Variants in PRH1 observed in about 807,000 individuals in gnomAD.
PRH1 encodes the protein salivary acidic proline-rich phosphoprotein 1/2.
In PRH1, 7 loss-of-function variants were observed where a neutral mutation model predicts 7.9. That is an observed-to-expected ratio of 0.89 (90% confidence interval 0.50 to 1.67). The LOEUF is 1.67. PRH1 is among the 40% of genes most tolerant of loss of function. PRH1 has a pLI of 0.00. For synonymous variants in PRH1, 45 were observed against 80.8 expected (o/e 0.56, Z 2.38); for missense variants, 109 against 223.6 (o/e 0.49, Z 3.27).
rs764452998 is a variant in PRH1 at position 11,030,959 on chromosome 12, T to G, written c.-126+16061A>C. ...CAACAGCATCACCAGAATGACACTC[T>G]TAACTCTCCTCTTTAAGTGAAGAAA... On this transcript the variant is annotated intron_variant, in intron 1 of 3. Coordinates refer to the PRH1 transcript ENST00000539853. 4 of 1,614,294 alleles carry G rather than the reference T, an allele frequency of 2.5e-6. No homozygotes were observed. The Admixed American group carries it at 5.0e-5, about 20-fold the overall frequency.
chr12:11,078,061 A>T, intron 1 of PRH1: 2 of 591,838 alleles, frequency 3.4e-6, no homozygotes, highest in Non-Finnish European at 6.1e-6. Flanking sequence ...TAATAATATG[A>T]CCCAGAGTAA....
rs1485358088 is a variant in PRH1 at position 11,088,721 on chromosome 12, C to A, written n.124-41533G>T. On this transcript the variant is annotated intron_variant and non_coding_transcript_variant, in intron 1 of 4. Coordinates refer to the PRH1 transcript ENST00000541977. Reference sequence around the variant, plus strand: ...TACTGGTCTCAAGCAGAATCCAGAACAAAAGTGGGCTCTACAGAAGATATG... The same window carrying A: ...TACTGGTCTCAAGCAGAATCCAGAAAAAAAGTGGGCTCTACAGAAGATATG... 2.6e-5 allele frequency among the ~76,000 whole-genome samples: 3 copies of A among 114,044 alleles called. 1 individual carries two copies. Among genetic ancestry groups the A allele is most frequent in the Non-Finnish European group, 6.2e-5 (3 of 48,550 alleles). The allele number at this position is 114,044 out of a possible 152,430, so 74.8% of individuals were successfully genotyped here.
At chr12:10,941,405 G>A (rs1950397953) in intron 2 of PRH1, among the ~76,000 whole-genome samples, 1 of 152,140 alleles carries the variant, frequency 6.6e-6, no homozygotes, top group Non-Finnish European at 1.5e-5. Flanking sequence ...CAGTTCCTCA[G>A]AGAAGAGCAG....
In PRH1 at chr12:11,093,969, A is replaced by T. The variant is rs1242003264; in HGVS notation, n.124-46781T>A. ...TCCAGACTAAATTGGCAAAACTCTA[A>T]CGTCCTCCAAGATGCAGAATTTGGC... On this transcript the variant is annotated intron_variant and non_coding_transcript_variant, in intron 1 of 4. Coordinates refer to the PRH1 transcript ENST00000541977. Among the ~76,000 whole-genome samples the T allele has an allele frequency of 1.8e-5, 2 of 114,162 alleles. 1 individual carries two copies. Among genetic ancestry groups the T allele is most frequent in the Non-Finnish European group, 4.1e-5 (2 of 48,574 alleles). The allele number at this position is 114,162 out of a possible 152,430, so 74.9% of individuals were successfully genotyped here. A position where few individuals can be genotyped will look rare whatever the true frequency, so the allele number is the denominator to read the frequency against.
chr12:10,958,147 A>T (rs1259408656), intron 2 of PRH1, among the ~76,000 whole-genome samples: 2 of 152,226 alleles, frequency 1.3e-5, no homozygotes, highest in Admixed American at 6.5e-5. Flanking sequence ...AATAGCAAAG[A>T]CATGGAATAA....
At position 11,017,693 on chromosome 12, in the gene PRH1, A is replaced by C. The variant is rs565834969; in HGVS notation, c.-126+29327T>G. On this transcript the variant is annotated intron_variant, in intron 1 of 3. Coordinates refer to the PRH1 transcript ENST00000539853. ...TTTTAAGTAGAGATGGGGTTTCACC[A>C]TGTTGCTCAGGCTAGTCTCAAACTC... Among the ~76,000 whole-genome samples the C allele has an allele frequency of 1.5e-4, 23 of 152,030 alleles. No individual in the cohort carries two copies. In the South Asian group the frequency reaches 4.6e-3, roughly 30 times the overall value.
chr12:10,968,350 C>T (rs7138343), intron 2 of PRH1, among the ~76,000 whole-genome samples: 1 of 150,274 alleles, frequency 6.7e-6, no homozygotes, highest in Non-Finnish European at 1.5e-5. Flanking sequence ...TAATGATATT[C>T]TTTATTTAAA....
Position 11,090,651 on chromosome 12 carries a change from T to A in PRH1, n.124-43463A>T, listed in dbSNP as rs1013515174. On this transcript the variant is annotated intron_variant and non_coding_transcript_variant, in intron 1 of 4. Coordinates refer to the PRH1 transcript ENST00000541977. ...CGCTTATGGTAGACATACATTAAAT[T>A]TACTCTGCATATGCTTCTCACTCAA... Among the ~76,000 whole-genome samples the A allele has an allele frequency of 3.4e-5, 4 of 117,690 alleles. 2 individuals carry two copies. The highest frequency in any genetic ancestry group is 4.0e-5 in the Non-Finnish European group (2 of 49,544). 77.2% of individuals were successfully genotyped at this position (117,690 alleles called of 152,430 possible).
chr12:11,043,272 A>C lies in PRH1; in HGVS notation c.-126+3748T>G, dbSNP rs917236350. Among the ~76,000 whole-genome samples, 6 of 152,210 alleles carry C rather than the reference A, an allele frequency of 3.9e-5. No homozygotes were observed. The South Asian group carries it at 1.2e-3, about 31-fold the overall frequency. Reference sequence around the variant, plus strand: ...TCCTTCATGATAAAAACCCTCAGAAATCTGAATATAGAAGGAAAATCTAAA... The same window carrying C: ...TCCTTCATGATAAAAACCCTCAGAACTCTGAATATAGAAGGAAAATCTAAA... On this transcript the variant is annotated intron_variant, in intron 1 of 3. Coordinates refer to the PRH1 transcript ENST00000539853.
At chr12:11,061,296 G>T (rs369943612) in intron 1 of PRH1, 1 of 1,532,094 alleles carries the variant, frequency 6.5e-7, no homozygotes, top group Admixed American at 2.2e-5. Context: ...AACACAGTAA[G>T]AAATATAAAA....
intron 1 of PRH1, among the ~76,000 whole-genome samples, chr12:11,045,379 C>T (rs1468881384): frequency 6.6e-6 from 1 of 150,380 alleles, no homozygotes; most frequent in Non-Finnish European, 1.5e-5. Context: ...AGCAGGGTGA[C>T]TATAATCAAT....
At chr12:11,061,997 T>C in intron 1 of PRH1, 1 of 1,613,898 alleles carries the variant, frequency 6.2e-7, no homozygotes. Flanking sequence ...CTGAGGCTAG[T>C]AGCAAGCCAG....
intron 2 of PRH1, among the ~76,000 whole-genome samples, chr12:10,942,110 T>C (rs924948358): frequency 3.9e-5 from 6 of 152,162 alleles, no homozygotes; most frequent in African/African-American, 9.7e-5. Flanking sequence ...CCAGCACCTG[T>C]TCTGGTGGAG....
chr12:10,986,506 G>C, intron 1 of PRH1: 1 of 1,613,946 alleles, frequency 6.2e-7, no homozygotes, highest in Non-Finnish European at 8.5e-7. Flanking sequence ...TTTAAATGAA[G>C]AAAAAGAAGG....
At position 11,169,570 on chromosome 12, in the gene PRH1, A is replaced by T. The variant is rs150748475; in HGVS notation, n.39+1852T>A. ...AGTAGGGCGTAAAGGGTGGCACAAAAGAGGAATAGAAGACAGAATGAGTCC... is the reference window on the plus strand; with the variant it reads ...AGTAGGGCGTAAAGGGTGGCACAAATGAGGAATAGAAGACAGAATGAGTCC... On this transcript the variant is annotated intron_variant and non_coding_transcript_variant, in intron 1 of 1. Coordinates refer to the PRH1 transcript ENST00000541175. 2.0e-5 allele frequency among the ~76,000 whole-genome samples: 3 copies of T among 152,336 alleles called. No homozygotes were observed. The East Asian group carries it at 5.8e-4, about 29-fold the overall frequency.
chr12:11,127,309 C>T (rs536975445), intron 1 of PRH1, among the ~76,000 whole-genome samples: 493 of 152,326 alleles, frequency 3.2e-3, no homozygotes, highest in African/African-American at 0.011. Flanking sequence ...CAATTTTTTC[C>T]TTGTTTAATG....
At chr12:10,926,796 TGTGA>T (rs1311951981) in intron 2 of PRH1, among the ~76,000 whole-genome samples, 1 of 152,188 alleles carries the variant, frequency 6.6e-6, no homozygotes, top group Non-Finnish European at 1.5e-5. Context: ...GGTAAACACC[TGTGA>T]GTAACAGAGA....
At chr12:11,089,232 A>C (rs1486339311) in intron 1 of PRH1, among the ~76,000 whole-genome samples, 2 of 116,100 alleles carry the variant, frequency 1.7e-5, no homozygotes, top group South Asian at 2.4e-4. Flanking sequence ...GGCATAAGGT[A>C]TGACTTTCAT....
chr12:11,017,484 A>T (rs930660047), intron 1 of PRH1, among the ~76,000 whole-genome samples: 6 of 150,882 alleles, frequency 4.0e-5, no homozygotes, highest in Admixed American at 1.3e-4. Flanking sequence ...TCAATTAATT[A>T]ATTTATTTAT....
Sources: gnomAD v4.1 joint callset for allele counts (sites outside exome capture counted in the v4.1 genomes callset) on GRCh38, gnomAD v4.1.1 for gene constraint, MANE v1.5 for transcripts, NCBI Gene and HGNC (gene_info 2026-07-23, HGNC 2026-07-21) for gene names.